Variants in CUEDC1 observed in about 807,000 individuals in gnomAD.
CUEDC1 encodes CUE domain-containing protein 1.
CUEDC1 carries 30 observed loss-of-function variants against 43.7 expected under a neutral mutation model. That is an observed-to-expected ratio of 0.69 (90% CI 0.51 to 0.93). The LOEUF (loss-of-function observed/expected upper bound fraction) is 0.93, where lower values mean the gene tolerates loss of function less well. Ranked by LOEUF, CUEDC1 falls within the 40% of genes least tolerant of loss-of-function variation. The pLI, the probability that CUEDC1 is intolerant of heterozygous loss-of-function variation, is 0.00. For synonymous variants in CUEDC1, 223 were observed against 223.6 expected, an observed-to-expected ratio of 1.00 and a Z score of 0.02; for missense variants, 486 against 549.0, an observed-to-expected ratio of 0.89 and a Z score of 1.15.
intron 3 of CUEDC1, among the ~76,000 whole-genome samples, chr17:57,879,201 T>C (rs1396989529): frequency 6.6e-6 from 1 of 152,224 alleles, no homozygotes; most frequent in Non-Finnish European, 1.5e-5. Context: ...GATCTGAGGC[T>C]CTGTCTTGAC....
chr17:57,879,971 T>C (rs1032974265), intron 2 of CUEDC1, among the ~76,000 whole-genome samples: 1 of 152,148 alleles, frequency 6.6e-6, no homozygotes, highest in Admixed American at 6.5e-5. Flanking sequence ...TCAAAGTGTA[T>C]GTCCCCAAAA....
intron 1 of CUEDC1, among the ~76,000 whole-genome samples, chr17:57,942,378 G>T (rs373660869): frequency 2.0e-5 from 3 of 151,616 alleles, no homozygotes; most frequent in East Asian, 1.9e-4. Context: ...GTTTTTTTTC[G>T]TTTGTTTGTT....
intron 2 of CUEDC1, among the ~76,000 whole-genome samples, chr17:57,881,849 C>G (rs576222266): frequency 6.6e-6 from 1 of 152,266 alleles, no homozygotes; most frequent in African/African-American, 2.4e-5. Context: ...ATCAGAGCCT[C>G]CTGGAGAGGA....
intron 1 of CUEDC1, among the ~76,000 whole-genome samples, chr17:57,931,707 AAC>A (rs1279263916): frequency 6.6e-6 from 1 of 152,110 alleles, no homozygotes; most frequent in Non-Finnish European, 1.5e-5. Context: ...GAGGGTTAGG[AAC>A]ACACAAAGGA....
intron 10 of CUEDC1, among the ~76,000 whole-genome samples, chr17:57,863,742 C>T (rs1597962746): frequency 6.6e-6 from 1 of 152,288 alleles, no homozygotes; most frequent in Non-Finnish European, 1.5e-5. Context: ...GGCGCAGTGG[C>T]TCACGCCTGT....
chr17:57,883,553 A>C (rs760872484), intron 2 of CUEDC1, among the ~76,000 whole-genome samples: 40 of 152,080 alleles, frequency 2.6e-4, no homozygotes, highest in Non-Finnish European at 5.1e-4. Flanking sequence ...GTGAAACCCC[A>C]TCTCTACTAA....
At chr17:57,925,009 C>A (rs1224962970) in intron 1 of CUEDC1, among the ~76,000 whole-genome samples, 1 of 151,884 alleles carries the variant, frequency 6.6e-6, no homozygotes, top group African/African-American at 2.4e-5. Context: ...GTGTTTAAAA[C>A]CACACCGTTC....
chr17:57,869,037 G>A (rs1220679452), intron 7 of CUEDC1, 85 bp downstream of exon 7: 4 of 1,377,176 alleles, frequency 2.9e-6, no homozygotes, highest in African/African-American at 2.8e-5. Flanking sequence ...CATTACATGT[G>A]CTGAGGGGCT....
chr17:57,907,297 A>T (rs570755471), intron 1 of CUEDC1, among the ~76,000 whole-genome samples: 2 of 152,166 alleles, frequency 1.3e-5, no homozygotes, highest in Non-Finnish European at 2.9e-5. Flanking sequence ...AAAACGAAGC[A>T]TGCATCAGGG....
chr17:57,896,414 T>C (rs547117038), intron 1 of CUEDC1, among the ~76,000 whole-genome samples: 1 of 151,036 alleles, frequency 6.6e-6, no homozygotes, highest in East Asian at 1.9e-4. Flanking sequence ...TATGTCTCTT[T>C]AGCCCAAGAC....
At chr17:57,864,523 A>G (rs1043876992) in intron 10 of CUEDC1, among the ~76,000 whole-genome samples, 4 of 152,068 alleles carry the variant, frequency 2.6e-5, no homozygotes, top group African/African-American at 9.7e-5. Context: ...CAGCTTCAGG[A>G]GAGATCAGGG....
At chr17:57,876,147 G>A (rs745967631) in intron 3 of CUEDC1, among the ~76,000 whole-genome samples, 4 of 152,100 alleles carry the variant, frequency 2.6e-5, no homozygotes, top group Admixed American at 6.6e-5. Flanking sequence ...CCTAAAACAC[G>A]AACCTGATCG....
intron 1 of CUEDC1, among the ~76,000 whole-genome samples, chr17:57,895,172 A>C (rs956290037): frequency 1.3e-5 from 2 of 152,184 alleles, no homozygotes; most frequent in Non-Finnish European, 2.9e-5. Context: ...TTTCCACTTC[A>C]TAGTAGAAAA....
chr17:57,866,399 A>G, intron 10 of CUEDC1, 75 bp downstream of exon 10: 3 of 1,409,338 alleles, frequency 2.1e-6, no homozygotes, highest in African/African-American at 1.4e-5. Flanking sequence ...GACACCTGGG[A>G]GGACATGTGG....
At chr17:57,911,038 A>G (rs960423638) in intron 1 of CUEDC1, among the ~76,000 whole-genome samples, 2 of 151,594 alleles carry the variant, frequency 1.3e-5, no homozygotes, top group African/African-American at 4.9e-5. Context: ...TCCCCTCCGA[A>G]CTCCTCAGTC....
At chr17:57,875,810 C>A (rs2074115708) in intron 3 of CUEDC1, among the ~76,000 whole-genome samples, 1 of 152,092 alleles carries the variant, frequency 6.6e-6, no homozygotes, top group Non-Finnish European at 1.5e-5. Flanking sequence ...ACCCATGGAA[C>A]ATCAGACCTG....
At chr17:57,891,376 G>A (rs927952542) in intron 1 of CUEDC1, among the ~76,000 whole-genome samples, 3 of 152,176 alleles carry the variant, frequency 2.0e-5, no homozygotes, top group Non-Finnish European at 4.4e-5. Context: ...AATCTATGGC[G>A]AAGCCTGTCT....
chr17:57,948,557 G>C (rs2074978417), intron 1 of CUEDC1, among the ~76,000 whole-genome samples: 1 of 152,198 alleles, frequency 6.6e-6, no homozygotes, highest in South Asian at 2.1e-4. Flanking sequence ...TAATCTTCTA[G>C]CTCAAAAATT....
At chr17:57,864,787 C>G (rs1323207593) in intron 10 of CUEDC1, among the ~76,000 whole-genome samples, 1 of 152,124 alleles carries the variant, frequency 6.6e-6, no homozygotes, top group Non-Finnish European at 1.5e-5. Flanking sequence ...GGTACGGTGG[C>G]TCACACCTGT....
Sources: allele counts gnomAD v4.1 joint callset (sites outside exome capture counted in the v4.1 genomes callset), GRCh38; gene constraint gnomAD v4.1.1; transcripts MANE v1.5; gene names NCBI Gene and HGNC (gene_info 2026-07-23, HGNC 2026-07-21).